Variants in PLD5 observed in about 807,000 individuals in gnomAD.
The protein encoded by PLD5 is phospholipase D family member 5.
A neutral mutation model predicts 61.1 loss-of-function variants in PLD5; 36 were observed. The observed-to-expected ratio is 0.59, with a 90% confidence interval of 0.45 to 0.78. The LOEUF (loss-of-function observed/expected upper bound fraction) is 0.78. PLD5 is among the 30% of genes least tolerant of loss of function. PLD5 has a pLI of 0.00. For missense variants in PLD5, 515 were observed against 644.4 expected (o/e 0.80, Z 2.17); for synonymous variants, 243 against 242.8 (o/e 1.00, Z -0.01).
At position 242,265,339 on chromosome 1, in the gene PLD5, T is replaced by G. The variant is rs777526616; in HGVS notation, c.605A>C (p.Lys202Thr). The change falls in exon 4 of 10, where the codon AAG becomes ACG. Residue 202 changes from lysine (K) to threonine (T), a missense_variant and splice_region_variant. Transcript: ENST00000536534. Reference protein sequence around the residue: ...DSKVLEALKLKGAEVTYMNMT... With the variant: ...DSKVLEALKLTGAEVTYMNMT... ...TAGCATATCAACCTTGGTCTTACCC[T>G]TTAATTTCAAGGCTTCTAATACCTT... 11 of 1,608,938 alleles carry G rather than the reference T, an allele frequency of 6.8e-6. No homozygotes were observed. In the South Asian group the frequency reaches 1.2e-4, roughly 18 times the overall value.
At chr1:242,465,807 G>A (rs1667261071) in intron 1 of PLD5, among the ~76,000 whole-genome samples, 1 of 152,218 alleles carries the variant, frequency 6.6e-6, no homozygotes. Context: ...GCGGATGCCT[G>A]TAATCCCAGC....
At chr1:242,510,540 A>G (rs1167889364) in intron 1 of PLD5, among the ~76,000 whole-genome samples, 1 of 152,198 alleles carries the variant, frequency 6.6e-6, no homozygotes, top group Non-Finnish European at 1.5e-5. Flanking sequence ...GGATATTTCA[A>G]GAGTTTTATA....
intron 7 of PLD5, among the ~76,000 whole-genome samples, chr1:242,110,947 G>A (rs1661438300): frequency 6.6e-6 from 1 of 152,100 alleles, no homozygotes; most frequent in Non-Finnish European, 1.5e-5. Flanking sequence ...TATTTTATGT[G>A]ACTGAAGAAA....
At chr1:242,530,291 A>G in the PLD5 span, among the ~76,000 whole-genome samples, 1 of 152,210 alleles carries the variant, frequency 6.6e-6, no homozygotes, top group Admixed American at 6.5e-5. Context: ...TGCTTTACCT[A>G]ATTGAATCTG....
upstream of PLD5, among the ~76,000 whole-genome samples, chr1:242,525,266 G>A (rs1420875689): frequency 2.6e-5 from 4 of 152,106 alleles, no homozygotes; most frequent in African/African-American, 9.7e-5. Flanking sequence ...GCAGGCACGC[G>A]GGACCGGTTG....
intron 2 of PLD5, among the ~76,000 whole-genome samples, chr1:242,310,470 A>C (rs1209832721): frequency 6.6e-6 from 1 of 152,176 alleles, no homozygotes; most frequent in Non-Finnish European, 1.5e-5. Flanking sequence ...CCTATAACAC[A>C]AATAATCATG....
At chr1:242,333,029 G>GGA (rs1204505536) in intron 2 of PLD5, among the ~76,000 whole-genome samples, 1 of 152,186 alleles carries the variant, frequency 6.6e-6, no homozygotes, top group African/African-American at 2.4e-5. Flanking sequence ...TGTGCCCAGC[G>GGA]GAGAAAGCAA....
chr1:242,183,592 C>T lies in PLD5; in HGVS notation c.735+36396G>A, dbSNP rs377236957. ...GTCTCAATTATTGTTTCATGACATC[C>T]CTAAGCCAAAACAAACACCTAGGCC... On this transcript the variant is annotated intron_variant, in intron 5 of 9. Coordinates refer to ENST00000536534, the MANE Select transcript of PLD5 (RefSeq NM_001372062.1). Among the ~76,000 whole-genome samples the T allele has an allele frequency of 5.3e-4, 81 of 152,224 alleles. 2 individuals are homozygous for T. The South Asian group carries it at 0.016, about 30-fold the overall frequency.
At chr1:242,357,006 T>C (rs1022720023) in intron 1 of PLD5, among the ~76,000 whole-genome samples, 18 of 152,012 alleles carry the variant, frequency 1.2e-4, no homozygotes, top group African/African-American at 4.1e-4. Context: ...CTATTTATTA[T>C]GTATACCATT....
chr1:242,499,427 C>A (rs148797451), intron 1 of PLD5, among the ~76,000 whole-genome samples: 5 of 152,186 alleles, frequency 3.3e-5, no homozygotes, highest in Admixed American at 2.6e-4. Flanking sequence ...TGTATCTTAG[C>A]CTTTCTCTAT....
intron 2 of PLD5, 81 bp from the exon 3 acceptor site, chr1:242,288,611 A>C: frequency 6.8e-7 from 1 of 1,467,244 alleles, no homozygotes; most frequent in Non-Finnish European, 9.0e-7. Context: ...CATACAGCAG[A>C]CATCTAAAAA....
chr1:242,176,089 A>G (rs1218783848), intron 5 of PLD5, among the ~76,000 whole-genome samples: 4 of 152,212 alleles, frequency 2.6e-5, no homozygotes, highest in African/African-American at 7.2e-5. Flanking sequence ...AAACTGCTTT[A>G]AAGTTCATAT....
At chr1:242,265,249 T>C in intron 4 of PLD5, 88 bp downstream of exon 4, 2 of 1,461,796 alleles carry the variant, frequency 1.4e-6, no homozygotes, top group Non-Finnish European at 1.8e-6. Context: ...GTACTAACCA[T>C]AAAGAAATTA....
chr1:242,443,020 A>G (rs180757186), intron 1 of PLD5, among the ~76,000 whole-genome samples: 1 of 152,330 alleles, frequency 6.6e-6, no homozygotes, highest in African/African-American at 2.4e-5. Flanking sequence ...TGCCCTTGCT[A>G]TGACAGAACA....
At chr1:242,243,287 G>C (rs573123720) in intron 4 of PLD5, among the ~76,000 whole-genome samples, 1 of 152,366 alleles carries the variant, frequency 6.6e-6, no homozygotes, top group African/African-American at 2.4e-5. Flanking sequence ...CTGAAGAAGA[G>C]ATCTAGAGTG....
intron 1 of PLD5, among the ~76,000 whole-genome samples, chr1:242,403,983 G>T (rs74719763): frequency 0.032 from 4,912 of 152,160 alleles, 224 homozygotes; most frequent in African/African-American, 0.1. Context: ...ACTTGGCTTC[G>T]GAAAAAATTC....
chr1:242,382,711 G>C (rs1462025198), intron 1 of PLD5, among the ~76,000 whole-genome samples: 4 of 152,120 alleles, frequency 2.6e-5, no homozygotes, highest in Non-Finnish European at 1.5e-5. Context: ...TAATTATCAG[G>C]AGAAACCTTC....
intron 2 of PLD5, among the ~76,000 whole-genome samples, chr1:242,335,805 T>C (rs140667457): frequency 2.6e-5 from 4 of 152,208 alleles, no homozygotes; most frequent in African/African-American, 9.6e-5. Flanking sequence ...AAAACATTAA[T>C]AACTGCCTAT....
At chr1:242,286,422 A>G (rs573971090) in intron 3 of PLD5, among the ~76,000 whole-genome samples, 1 of 152,336 alleles carries the variant, frequency 6.6e-6, no homozygotes, top group South Asian at 2.1e-4. Context: ...CAAACCATAA[A>G]GATTCTTCTG....
Sources: allele counts gnomAD v4.1 joint callset (sites outside exome capture counted in the v4.1 genomes callset), GRCh38; gene constraint gnomAD v4.1.1; transcripts MANE v1.5; gene names NCBI Gene and HGNC (gene_info 2026-07-23, HGNC 2026-07-21).